Variants in RBM20 observed in about 807,000 individuals in gnomAD.
RBM20 encodes the protein RNA binding motif protein 20.
Under a neutral mutation model 110.1 loss-of-function variants are expected in RBM20, and 51 were observed. The observed-to-expected ratio is 0.46, with a 90% CI of 0.37 to 0.59. The LOEUF (loss-of-function observed/expected upper bound fraction) is 0.59, where lower values mean the gene tolerates loss of function less well. RBM20 is among the 20% of genes least tolerant of loss of function. RBM20 has a pLI of 0.00. For missense variants in RBM20, 1,512 were observed against 1,574.9 expected (o/e 0.96, Z 0.68); for synonymous variants, 589 against 618.2 (o/e 0.95, Z 0.70).
intron 1 of RBM20, chr10:110,756,505 G>A (rs914917341): frequency 6.6e-6 from 1 of 152,230 alleles, no homozygotes; most frequent in African/African-American, 2.4e-5. Flanking sequence ...TTGCTCACGA[G>A]GTTTGATGTG....
chr10:110,798,660 A>G (rs1472142747), intron 6 of RBM20, among the ~76,000 whole-genome samples: 1 of 152,222 alleles, frequency 6.6e-6, no homozygotes, highest in African/African-American at 2.4e-5. Context: ...CTAATGCCAT[A>G]GACTATGACA....
chr10:110,780,805 G>T lies in RBM20; in HGVS notation c.196G>T (p.Ala66Ser). 1 of 1,514,290 alleles carries T rather than the reference G, an allele frequency of 6.6e-7. No individual in the cohort carries two copies. The highest frequency in any genetic ancestry group is 1.3e-5 in the South Asian group (1 of 77,012). 93.8% of individuals were successfully genotyped at this position (1,514,290 alleles called of 1,614,324 possible). A position where few individuals can be genotyped will look rare whatever the true frequency, so the allele number is the denominator to read the frequency against. Residue 66 changes from alanine to serine, a missense_variant, in exon 2 of 14, where the codon GCC becomes TCC. This residue lies in a region of RBM20 where 1,149 missense variants were observed against 1,169.4 expected (regional missense o/e 0.98). Coordinates refer to ENST00000369519, the MANE Select transcript of RBM20 (RefSeq NM_001134363.3). Reference protein sequence around the residue: ...AGLPQIIQNAAKLLDKNPFSV... With the variant: ...AGLPQIIQNASKLLDKNPFSV... Reference sequence around the variant, plus strand: ...TAGACCTCTGTCTTCCCACAGTGCCGCCAAGCTCCTGGACAAGAACCCATT... The same window carrying T: ...TAGACCTCTGTCTTCCCACAGTGCCTCCAAGCTCCTGGACAAGAACCCATT...
At chr10:110,813,936 C>T (rs1368414549) in intron 9 of RBM20, among the ~76,000 whole-genome samples, 1 of 151,678 alleles carries the variant, frequency 6.6e-6, no homozygotes, top group Non-Finnish European at 1.5e-5. Flanking sequence ...CACACAGGGG[C>T]GTCACAAGGA....
chr10:110,694,823 C>G (rs1048248636), intron 1 of RBM20, among the ~76,000 whole-genome samples: 2 of 152,038 alleles, frequency 1.3e-5, no homozygotes, highest in Admixed American at 6.6e-5. Flanking sequence ...ACGTTTAACT[C>G]CAGAGTTGTA....
intron 1 of RBM20, among the ~76,000 whole-genome samples, chr10:110,776,964 T>C (rs1282636054): frequency 1.3e-5 from 2 of 152,342 alleles, no homozygotes; most frequent in Middle Eastern, 3.4e-3. Flanking sequence ...ATTTAGATTG[T>C]CCTTTTTGAG....
intron 1 of RBM20, among the ~76,000 whole-genome samples, chr10:110,748,697 C>T (rs1843815975): frequency 6.6e-6 from 1 of 152,186 alleles, no homozygotes; most frequent in Non-Finnish European, 1.5e-5. Context: ...CTCTCTCTCG[C>T]TCTCTGTGTG....
At chr10:110,796,195 C>T (rs1164814627) in intron 5 of RBM20, among the ~76,000 whole-genome samples, 2 of 152,162 alleles carry the variant, frequency 1.3e-5, no homozygotes, top group Non-Finnish European at 2.9e-5. Flanking sequence ...TACTGCCTTC[C>T]CATTCTGCTT....
intron 1 of RBM20, among the ~76,000 whole-genome samples, chr10:110,688,158 C>G (rs1402608129): frequency 6.6e-6 from 1 of 152,094 alleles, no homozygotes; most frequent in Non-Finnish European, 1.5e-5. Context: ...ATAATCCAGT[C>G]CACAATTCCT....
intron 1 of RBM20, among the ~76,000 whole-genome samples, chr10:110,654,853 T>C (rs1022098828): frequency 6.6e-6 from 1 of 152,196 alleles, no homozygotes; most frequent in Non-Finnish European, 1.5e-5. Flanking sequence ...GCAGTAATAA[T>C]AAAGTGAATA....
chr10:110,831,111 C>T lies in RBM20; in HGVS notation c.3502C>T (p.Leu1168=). 6.4e-7 allele frequency: 1 copy of T among 1,551,550 alleles called. No homozygotes were observed. The highest frequency in any genetic ancestry group is 8.7e-7 in the Non-Finnish European group (1 of 1,146,872). The change falls in exon 13 of 14, where the codon CTG becomes TTG. Residue 1168 remains leucine (L), a synonymous_variant. Coordinates refer to ENST00000369519, the MANE Select transcript of RBM20 (RefSeq NM_001134363.3). ...RTGFYCKLCG[L]FYTSEETAKM... ...TGGCTTTTATTGCAAGCTGTGTGGG[C>T]TGTTCTACACGAGCGAGGAGACAGC...
chr10:110,749,305 G>C (rs562078067), intron 1 of RBM20, among the ~76,000 whole-genome samples: 1 of 152,262 alleles, frequency 6.6e-6, no homozygotes, highest in South Asian at 2.1e-4. Context: ...TGGAAATTCA[G>C]TGTCCATGTA....
At chr10:110,775,413 C>T (rs1186076689) in intron 1 of RBM20, among the ~76,000 whole-genome samples, 2 of 152,162 alleles carry the variant, frequency 1.3e-5, no homozygotes, top group Admixed American at 6.6e-5. Flanking sequence ...GTTCTTGGCT[C>T]CTGCTTCTGG....
intron 1 of RBM20, among the ~76,000 whole-genome samples, chr10:110,744,243 C>A (rs994796329): frequency 2.0e-5 from 3 of 152,162 alleles, no homozygotes; most frequent in Non-Finnish European, 2.9e-5. Flanking sequence ...CAGTGCCTGG[C>A]ACACAGTAGG....
chr10:110,723,976 G>C (rs1317943034), intron 1 of RBM20, among the ~76,000 whole-genome samples: 1 of 152,126 alleles, frequency 6.6e-6, no homozygotes, highest in Non-Finnish European at 1.5e-5. Flanking sequence ...GTTAGTAGAT[G>C]ACAGACACTG....
At chr10:110,722,594 T>G (rs1400627263) in intron 1 of RBM20, among the ~76,000 whole-genome samples, 1 of 152,202 alleles carries the variant, frequency 6.6e-6, no homozygotes. Context: ...GAATGCATGC[T>G]CCTTTAAAAT....
In RBM20 at chr10:110,810,785, A is replaced by C. The variant is rs569559428; in HGVS notation, c.1880+323A>C. On this transcript the variant is annotated intron_variant, in intron 8 of 13. Coordinates refer to ENST00000369519, the MANE Select transcript of RBM20 (RefSeq NM_001134363.3). ...GTCTACACCCTATTAAAACAGCCTA[A>C]AAGTAATGCGTGTGTGTGTGTGTGT... Among the ~76,000 whole-genome samples, 52 of 151,894 alleles carry C rather than the reference A, an allele frequency of 3.4e-4. 1 individual carries two copies. The East Asian group carries it at 9.9e-3, about 29-fold the overall frequency.
At position 110,644,792 on chromosome 10, in the gene RBM20, C is replaced by A; in HGVS notation, c.191+147C>A. Reference sequence around the variant, plus strand: ...TTCTCGTACCCCCTCTGGGCAGAGTCGGTGTCCTTCTGGCTGTTTGTTAGG... The same window carrying A: ...TTCTCGTACCCCCTCTGGGCAGAGTAGGTGTCCTTCTGGCTGTTTGTTAGG... On this transcript the variant is annotated intron_variant, in intron 1 of 13. Transcript: ENST00000369519. This position sits in a 1 kb window ranked among gnomAD's most constrained non-coding sequence, Gnocchi z 4.3. The A allele has an allele frequency of 1.7e-6, 1 of 591,200 alleles. No individual in the cohort carries two copies. Among genetic ancestry groups the A allele is most frequent in the South Asian group, 2.4e-5 (1 of 41,080 alleles). 36.6% of individuals were successfully genotyped at this position (591,200 alleles called of 1,614,324 possible). A position where few individuals can be genotyped will look rare whatever the true frequency, so the allele number is the denominator to read the frequency against.
At chr10:110,778,779 C>G (rs148905279) in intron 1 of RBM20, among the ~76,000 whole-genome samples, 28 of 152,358 alleles carry the variant, frequency 1.8e-4, no homozygotes, top group African/African-American at 6.7e-4. Flanking sequence ...CCCTCCCTGC[C>G]TGTGGTAACC....
At chr10:110,790,656 A>C (rs1844472389) in intron 5 of RBM20, among the ~76,000 whole-genome samples, 1 of 152,242 alleles carries the variant, frequency 6.6e-6, no homozygotes, top group Non-Finnish European at 1.5e-5. Flanking sequence ...AATCTGTTAC[A>C]CAATTTGTTT....
Sources: allele counts gnomAD v4.1 joint callset (sites outside exome capture counted in the v4.1 genomes callset), GRCh38; gene constraint gnomAD v4.1.1; regional missense constraint gnomAD v4.1.1; non-coding constraint Gnocchi (gnomAD v3.1); transcripts MANE v1.5; gene names NCBI Gene and HGNC (gene_info 2026-07-23, HGNC 2026-07-21).